The following CLASP2 variants were observed in gnomAD, a reference collection of about 807,000 sequenced individuals.
CLASP2 encodes the protein CLIP-associating protein 2.
CLASP2 carries 47 observed loss-of-function variants against 194.4 expected under a neutral mutation model. The ratio of observed to expected loss-of-function variants is 0.24; its 90% CI spans 0.19 to 0.31. The LOEUF (loss-of-function observed/expected upper bound fraction) is 0.31. CLASP2 is among the 10% of genes least tolerant of loss of function. The probability of loss-of-function intolerance (pLI) is 1.00; values close to 1 mark genes in which losing one functional copy is unlikely to be tolerated. For synonymous variants in CLASP2, 619 were observed against 633.5 expected (o/e 0.98, Z 0.34); for missense variants, 1,445 against 1,823.6 (o/e 0.79, Z 3.78).
chr3:33,574,829 G>T (rs1424207904), intron 24 of CLASP2, among the ~76,000 whole-genome samples: 1 of 152,130 alleles, frequency 6.6e-6, no homozygotes, highest in African/African-American at 2.4e-5. Flanking sequence ...TTACTAGCTG[G>T]AAAGTTTTTT....
intron 1 of CLASP2, among the ~76,000 whole-genome samples, chr3:33,714,058 T>C (rs1481481507): frequency 2.6e-5 from 4 of 152,104 alleles, no homozygotes; most frequent in African/African-American, 9.7e-5. Flanking sequence ...TGTCTCCTTT[T>C]CTACAAAAAA....
intron 24 of CLASP2, among the ~76,000 whole-genome samples, chr3:33,573,621 C>T (rs866430878): frequency 1.6e-4 from 24 of 152,090 alleles, no homozygotes; most frequent in African/African-American, 5.3e-4. Flanking sequence ...AAGTGGGAAG[C>T]GCTAAAAAAT....
At chr3:33,672,861 A>G (rs1559597861) in intron 6 of CLASP2, among the ~76,000 whole-genome samples, 1 of 152,206 alleles carries the variant, frequency 6.6e-6, no homozygotes, top group Non-Finnish European at 1.5e-5. Flanking sequence ...GATGAAATGA[A>G]TGAAATGAAG....
chr3:33,557,769 T>C (rs1168917787), intron 29 of CLASP2, among the ~76,000 whole-genome samples: 1 of 152,182 alleles, frequency 6.6e-6, no homozygotes, highest in Admixed American at 6.5e-5. Flanking sequence ...ATCAAACAGA[T>C]GAAATCTCTT....
At chr3:33,523,349 G>A (rs1347283897) in intron 34 of CLASP2, among the ~76,000 whole-genome samples, 3 of 152,070 alleles carry the variant, frequency 2.0e-5, no homozygotes, top group African/African-American at 7.2e-5. Flanking sequence ...AACTCAAAGA[G>A]AGCCACATCA....
At chr3:33,547,440 C>G (rs572440441) in intron 30 of CLASP2, among the ~76,000 whole-genome samples, 9 of 152,286 alleles carry the variant, frequency 5.9e-5, no homozygotes, top group Admixed American at 5.9e-4. Flanking sequence ...GTAAATTGCC[C>G]AGTCTCAAGT....
intron 6 of CLASP2, among the ~76,000 whole-genome samples, chr3:33,676,967 T>G (rs1248747536): frequency 6.6e-6 from 1 of 152,216 alleles, no homozygotes; most frequent in Non-Finnish European, 1.5e-5. Flanking sequence ...TCACCATCAC[T>G]GGTCATCAGA....
intron 1 of CLASP2, among the ~76,000 whole-genome samples, chr3:33,697,267 T>C (rs2092006262): frequency 6.6e-6 from 1 of 152,180 alleles, no homozygotes; most frequent in Non-Finnish European, 1.5e-5. Flanking sequence ...AACAAATGTA[T>C]CATCAGGTAA....
chr3:33,702,281 AG>A (rs2154353526), intron 1 of CLASP2, among the ~76,000 whole-genome samples: 1 of 152,344 alleles, frequency 6.6e-6, no homozygotes, highest in Non-Finnish European at 1.5e-5. Context: ...GCACAAGAAG[AG>A]AAATATAAAT....
chr3:33,563,310 T>A (rs1052655649), intron 27 of CLASP2, among the ~76,000 whole-genome samples: 17 of 152,148 alleles, frequency 1.1e-4, no homozygotes, highest in Admixed American at 1.1e-3. Context: ...TGCCAGGAAT[T>A]CTCCTTTTGC....
At chr3:33,527,005 T>TA (rs1434422144) in intron 34 of CLASP2, among the ~76,000 whole-genome samples, 1 of 152,208 alleles carries the variant, frequency 6.6e-6, no homozygotes, top group Admixed American at 6.5e-5. Flanking sequence ...TTCATAGCAC[T>TA]AAATGCCAAC....
Position 33,645,389 on chromosome 3 carries a change from G to T in CLASP2, c.716-486C>A, listed in dbSNP as rs544991765. The T allele has an allele frequency of 2.5e-4, 189 of 756,504 alleles. 2 individuals carry two copies. The Middle Eastern group carries it at 3.0e-3, about 12-fold the overall frequency. The allele number at this position is 756,504 out of a possible 1,614,324, so 46.9% of individuals were successfully genotyped here. On this transcript the variant is annotated intron_variant, in intron 7 of 38. Transcript: ENST00000682230. ...TCACATGGCCAAATACAGTAAATTC[G>T]ATACTAATCAAAGATTCTATCAAAA...
At chr3:33,651,660 T>TC (rs2083238546) in intron 7 of CLASP2, among the ~76,000 whole-genome samples, 1 of 148,884 alleles carries the variant, frequency 6.7e-6, no homozygotes, top group Non-Finnish European at 1.5e-5. Context: ...CACCTCACTT[T>TC]TTTTTTTTTT....
At chr3:33,644,664 A>G in intron 8 of CLASP2, 93 bp downstream of exon 8, 2 of 1,365,924 alleles carry the variant, frequency 1.5e-6, no homozygotes, top group Non-Finnish European at 1.0e-6. Flanking sequence ...TGCTGCAGTC[A>G]TGAATAAACA....
chr3:33,510,990 A>G (rs2049569610), intron 36 of CLASP2, among the ~76,000 whole-genome samples: 1 of 147,848 alleles, frequency 6.8e-6, no homozygotes, highest in African/African-American at 2.5e-5. Context: ...TTATTACACT[A>G]TTCTCCCTTC....
intron 13 of CLASP2, among the ~76,000 whole-genome samples, chr3:33,609,363 A>C (rs1438818103): frequency 3.3e-5 from 5 of 152,208 alleles, no homozygotes; most frequent in Non-Finnish European, 2.9e-5. Flanking sequence ...GACAGTGAAG[A>C]TATACAATGG....
chr3:33,667,424 A>AAAAAAAAAAAAAAAAAAAAC (rs2086392971), intron 6 of CLASP2, among the ~76,000 whole-genome samples: 1 of 151,062 alleles, frequency 6.6e-6, no homozygotes. Flanking sequence ...AAAAAAAAAA[A>AAAAAAAAAAAAAAAAAAAAC]AAAAGACATT....
intron 2 of CLASP2, among the ~76,000 whole-genome samples, chr3:33,694,671 A>G (rs2091688331): frequency 6.6e-6 from 1 of 152,244 alleles, no homozygotes; most frequent in Non-Finnish European, 1.5e-5. Context: ...AGGAGAAACT[A>G]CAAAGCAACT....
chr3:33,555,313 G>A lies in CLASP2; in HGVS notation c.3010-3918C>T, dbSNP rs2060727404. On this transcript the variant is annotated intron_variant, in intron 29 of 38. Coordinates refer to ENST00000682230, the MANE Select transcript of CLASP2 (RefSeq NM_001365631.1). ...CAGTAGACAGGAAAAGAGACTTCTG[G>A]TTAGTTTTAACATACCGGGCACAAT... 2.0e-5 allele frequency among the ~76,000 whole-genome samples: 3 copies of A among 151,604 alleles called. No individual in the cohort carries two copies. The South Asian group carries it at 6.2e-4, about 31-fold the overall frequency.
Sources: gnomAD v4.1 joint callset for allele counts (sites outside exome capture counted in the v4.1 genomes callset) on GRCh38, gnomAD v4.1.1 for gene constraint, MANE v1.5 for transcripts, NCBI Gene and HGNC (gene_info 2026-07-23, HGNC 2026-07-21) for gene names.